COX7B2: variants seen among roughly 807,000 people sequenced by gnomAD.
COX7B2 encodes cytochrome c oxidase subunit 7B2, mitochondrial.
For missense variants in COX7B2, 109 were observed against 95.9 expected, an observed-to-expected ratio of 1.14 and a Z score of -0.57; for synonymous variants, 37 against 32.1, an observed-to-expected ratio of 1.15 and a Z score of -0.51.
At chr4:46,789,791 G>A (rs1229890460) in intron 2 of COX7B2, among the ~76,000 whole-genome samples, 1 of 152,052 alleles carries the variant, frequency 6.6e-6, no homozygotes, top group Non-Finnish European at 1.5e-5. Flanking sequence ...CTGTAAACTA[G>A]TCAAAGGTAT....
intron 2 of COX7B2, among the ~76,000 whole-genome samples, chr4:46,791,586 T>C (rs190183244): frequency 3.9e-4 from 59 of 152,292 alleles, no homozygotes; most frequent in African/African-American, 1.4e-3. Context: ...ACCTCCAAAA[T>C]TCTAAAGTGT....
chr4:46,805,106 A>G (rs1718927282), intron 2 of COX7B2, among the ~76,000 whole-genome samples: 1 of 152,134 alleles, frequency 6.6e-6, no homozygotes, highest in African/African-American at 2.4e-5. Flanking sequence ...CGCCAAGCCC[A>G]CACCCACCCA....
intron 1 of COX7B2, among the ~76,000 whole-genome samples, chr4:46,907,981 G>C (rs1291818053): frequency 6.7e-6 from 1 of 149,436 alleles, no homozygotes; most frequent in East Asian, 2.0e-4. Context: ...AGCCTCCCTA[G>C]TAGCTGGGAC....
chr4:46,757,164 T>C (rs553933575), intron 2 of COX7B2, among the ~76,000 whole-genome samples: 1 of 152,062 alleles, frequency 6.6e-6, no homozygotes, highest in African/African-American at 2.4e-5. Context: ...TGCAGCAACA[T>C]GGATGGAACT....
At chr4:46,765,259 T>C (rs1423797113) in intron 2 of COX7B2, among the ~76,000 whole-genome samples, 1 of 152,110 alleles carries the variant, frequency 6.6e-6, no homozygotes, top group African/African-American at 2.4e-5. Flanking sequence ...GAAAAACAGT[T>C]TCACAAAACT....
chr4:46,908,151 A>G (rs1344745622), intron 1 of COX7B2, among the ~76,000 whole-genome samples: 2 of 152,094 alleles, frequency 1.3e-5, no homozygotes, highest in East Asian at 3.9e-4. Flanking sequence ...GCACCCAGCC[A>G]GAATTTGAGC....
intron 2 of COX7B2, among the ~76,000 whole-genome samples, chr4:46,819,139 T>A (rs993579847): frequency 6.6e-6 from 1 of 152,154 alleles, no homozygotes; most frequent in Non-Finnish European, 1.5e-5. Flanking sequence ...AGGTGATAGA[T>A]TTTCTTGCAT....
intron 1 of COX7B2, among the ~76,000 whole-genome samples, chr4:46,847,495 A>G (rs1454870704): frequency 6.6e-6 from 1 of 152,124 alleles, no homozygotes; most frequent in Non-Finnish European, 1.5e-5. Context: ...TCCCAGGCCC[A>G]AATGATACTC....
intron 2 of COX7B2, among the ~76,000 whole-genome samples, chr4:46,770,213 A>G (rs1030911242): frequency 6.6e-6 from 1 of 152,212 alleles, no homozygotes; most frequent in Non-Finnish European, 1.5e-5. Context: ...GAACTGCTTG[A>G]AAAAGAATCC....
At position 46,804,235 on chromosome 4, in the gene COX7B2, T is replaced by C. The variant is rs1056372511; in HGVS notation, c.-50+40725A>G. Among the ~76,000 whole-genome samples, 106 of 152,126 alleles carry C rather than the reference T, an allele frequency of 7.0e-4. 1 individual carries two copies. The highest frequency in any genetic ancestry group is 2.0e-4 in the Admixed American group (3 of 15,284). On this transcript the variant is annotated intron_variant, in intron 2 of 2. Transcript: ENST00000355591. ...TGAGTGTTACAGCTCATAAAGGTAG[T>C]GCGGACCCAAAGAGTGAGCAGTAGC...
At chr4:46,858,205 C>A (rs1717117134) in intron 1 of COX7B2, among the ~76,000 whole-genome samples, 1 of 152,014 alleles carries the variant, frequency 6.6e-6, no homozygotes, top group Admixed American at 6.5e-5. Context: ...GAGATTCTCC[C>A]ACCTCAGCCT....
At chr4:46,793,426 C>T (rs531163112) in intron 2 of COX7B2, among the ~76,000 whole-genome samples, 16 of 152,140 alleles carry the variant, frequency 1.1e-4, no homozygotes, top group South Asian at 4.2e-4. Flanking sequence ...TGGATTTAGG[C>T]GGTTTTTTAT....
intron 1 of COX7B2, among the ~76,000 whole-genome samples, chr4:46,890,486 A>T (rs1486612708): frequency 6.6e-6 from 1 of 152,214 alleles, no homozygotes; most frequent in Non-Finnish European, 1.5e-5. Context: ...AAGAGGACAA[A>T]TGAAACATTT....
rs189405310 is a variant in COX7B2 at position 46,815,161 on chromosome 4, T to A, written c.-50+29799A>T. Among the ~76,000 whole-genome samples the A allele has an allele frequency of 4.7e-3, 688 of 147,326 alleles. 6 individuals carry two copies. The highest frequency in any genetic ancestry group is 0.017 in the African/African-American group (666 of 39,764). On this transcript the variant is annotated intron_variant, in intron 2 of 2. Transcript: ENST00000355591. ...AGATTGCACCAGCCTAGGCGACAGA[T>A]CGAGACTCTGTCTCAAAAAAAAAAA...
chr4:46,866,552 C>A (rs1393793704), intron 1 of COX7B2, among the ~76,000 whole-genome samples: 1 of 152,226 alleles, frequency 6.6e-6, no homozygotes, highest in East Asian at 1.9e-4. Flanking sequence ...CTGTCTATAA[C>A]CCCATAAGGC....
intron 1 of COX7B2, among the ~76,000 whole-genome samples, chr4:46,889,795 G>GAC (rs144422970): frequency 6.6e-6 from 1 of 151,682 alleles, no homozygotes. Flanking sequence ...TACAATGACA[G>GAC]ACACACACAC....
intron 1 of COX7B2, among the ~76,000 whole-genome samples, chr4:46,866,785 T>C (rs537591651): frequency 6.6e-6 from 1 of 152,110 alleles, no homozygotes; most frequent in East Asian, 1.9e-4. Context: ...CTATTACAAA[T>C]GTAATAGTGT....
At chr4:46,781,873 C>G (rs572142451) in intron 2 of COX7B2, among the ~76,000 whole-genome samples, 1 of 152,204 alleles carries the variant, frequency 6.6e-6, no homozygotes, top group Non-Finnish European at 1.5e-5. Flanking sequence ...CCTGCCCACG[C>G]GGGCCTCAGC....
At chr4:46,839,561 C>T (rs946312280) in intron 2 of COX7B2, among the ~76,000 whole-genome samples, 47 of 152,004 alleles carry the variant, frequency 3.1e-4, no homozygotes, top group Admixed American at 1.3e-4. Flanking sequence ...GGAATTAGTC[C>T]TGTCCAGGCT....
Sources: allele counts gnomAD v4.1 joint callset (sites outside exome capture counted in the v4.1 genomes callset), GRCh38; gene constraint gnomAD v4.1.1; transcripts MANE v1.5; gene names NCBI Gene and HGNC (gene_info 2026-07-23, HGNC 2026-07-21).